AKAP10: variants seen among roughly 807,000 people sequenced by gnomAD.
The protein encoded by AKAP10 is A-kinase anchor protein 10, mitochondrial.
In AKAP10, 24 loss-of-function variants were observed where a neutral mutation model predicts 80.8. The ratio of observed to expected loss-of-function variants is 0.30; its 90% CI spans 0.22 to 0.42. The LOEUF (loss-of-function observed/expected upper bound fraction) is 0.42. AKAP10 is among the 10% of genes least tolerant of loss of function. The pLI, the probability that AKAP10 is intolerant of heterozygous loss-of-function variation, is 1.00. For missense variants in AKAP10, 661 were observed against 794.9 expected (o/e 0.83, Z 2.03); for synonymous variants, 291 against 277.7 (o/e 1.05, Z -0.48).
chr17:19,921,980 C>T (rs542036243), intron 11 of AKAP10, among the ~76,000 whole-genome samples: 3 of 151,910 alleles, frequency 2.0e-5, no homozygotes, highest in Admixed American at 6.6e-5. Flanking sequence ...CAGAATGGAG[C>T]GTAATATCAA....
At chr17:19,917,746 C>A (rs996390982) in intron 12 of AKAP10, among the ~76,000 whole-genome samples, 3 of 152,052 alleles carry the variant, frequency 2.0e-5, no homozygotes, top group Non-Finnish European at 4.4e-5. Flanking sequence ...CATAGCAAAA[C>A]CCCATCTCTA....
At chr17:19,923,115 T>C (rs1256368473) in intron 11 of AKAP10, among the ~76,000 whole-genome samples, 1 of 152,184 alleles carries the variant, frequency 6.6e-6, no homozygotes, top group African/African-American at 2.4e-5. Context: ...TCTTACTCTG[T>C]CGCGCAGGCT....
rs201501611 is a variant in AKAP10, at chr17:19,909,161, C to A, written c.1983+20G>T. ...GGAAAATAATACTTTTTAGTTTACA[C>A]AAAACGAAGTCATCCTTACCTTTGT... On this transcript the variant is annotated intron_variant, in intron 14 of 14. Transcript: ENST00000225737. 109 of 1,577,624 alleles carry A rather than the reference C, an allele frequency of 6.9e-5. No individual in the cohort carries two copies. The highest frequency in any genetic ancestry group is 8.9e-5 in the Non-Finnish European group (104 of 1,164,020).
chr17:19,961,021 TAAATAAAC>T (rs1443127510), intron 3 of AKAP10, among the ~76,000 whole-genome samples: 5 of 143,442 alleles, frequency 3.5e-5, no homozygotes, highest in Admixed American at 1.4e-4. Flanking sequence ...CGTCTACAAA[TAAATAAAC>T]AAACAAACAA....
At chr17:19,945,355 C>T (rs2152415126) in intron 5 of AKAP10, among the ~76,000 whole-genome samples, 1 of 152,240 alleles carries the variant, frequency 6.6e-6, no homozygotes, top group Non-Finnish European at 1.5e-5. Context: ...CACTAGCCAA[C>T]CAATTCTTCA....
chr17:19,918,702 T>C (rs1047478703), intron 12 of AKAP10, among the ~76,000 whole-genome samples: 2 of 152,224 alleles, frequency 1.3e-5, no homozygotes, highest in African/African-American at 4.8e-5. Context: ...AATAAAATAC[T>C]GTCAATTCAA....
At chr17:19,918,248 T>G (rs183399050) in intron 12 of AKAP10, among the ~76,000 whole-genome samples, 2,105 of 122,500 alleles carry the variant, frequency 0.017, 40 homozygotes, top group African/African-American at 0.054. Flanking sequence ...AAAAAGAAAA[T>G]AAGATAAATG....
intron 3 of AKAP10, among the ~76,000 whole-genome samples, 175 bp from the exon 4 acceptor site, chr17:19,958,746 G>A (rs997873858): frequency 2.0e-5 from 3 of 150,292 alleles, no homozygotes; most frequent in African/African-American, 7.3e-5. Context: ...TCTAAACAAA[G>A]TACAATCGTC....
At chr17:19,935,098 A>T (rs374508651) in intron 9 of AKAP10, among the ~76,000 whole-genome samples, 67 of 152,338 alleles carry the variant, frequency 4.4e-4, no homozygotes, top group African/African-American at 1.6e-3. Context: ...GTACTTATAC[A>T]AACCTAGATG....
At chr17:19,946,954 G>GC in intron 5 of AKAP10, among the ~76,000 whole-genome samples, 1 of 152,174 alleles carries the variant, frequency 6.6e-6, no homozygotes, top group Non-Finnish European at 1.5e-5. Context: ...CACCTGTCTG[G>GC]CCATCCAGTT....
intron 10 of AKAP10, among the ~76,000 whole-genome samples, chr17:19,930,942 C>T (rs2042925491): frequency 1.3e-5 from 2 of 152,096 alleles, no homozygotes; most frequent in Admixed American, 1.3e-4. Context: ...ATCTCCCGAC[C>T]TCGTGATCTG....
At chr17:19,935,051 C>T (rs567735232) in intron 9 of AKAP10, among the ~76,000 whole-genome samples, 3 of 152,172 alleles carry the variant, frequency 2.0e-5, no homozygotes, top group South Asian at 2.1e-4. Flanking sequence ...ACAGAATTTC[C>T]GTTAGGCTGC....
At chr17:19,931,753 G>A (rs2042935870) in intron 10 of AKAP10, 52 bp downstream of exon 10, 2 of 1,539,520 alleles carry the variant, frequency 1.3e-6, no homozygotes, top group Admixed American at 4.1e-5. Context: ...GGGATGTGAA[G>A]GAAAGGATGT....
At chr17:19,951,359 A>G (rs1372762087) in intron 4 of AKAP10, among the ~76,000 whole-genome samples, 1 of 151,854 alleles carries the variant, frequency 6.6e-6, no homozygotes, top group Non-Finnish European at 1.5e-5. Flanking sequence ...GGAAGTGAGG[A>G]GCCCCTCTGC....
intron 2 of AKAP10, among the ~76,000 whole-genome samples, chr17:19,965,856 CT>C (rs79671894): frequency 1.5e-3 from 214 of 143,636 alleles, no homozygotes; most frequent in Middle Eastern, 0.011. Context: ...CTCTATGTAC[CT>C]TTTTTTTTTT....
At chr17:19,977,372 AACCAGCGCGACAATAC>A (rs2043582997) in intron 1 of AKAP10, among the ~76,000 whole-genome samples, 1 of 152,340 alleles carries the variant, frequency 6.6e-6, no homozygotes, top group Admixed American at 6.5e-5. Context: ...ATCGCTTCTG[AACCAGCGCGACAATAC>A]TCCTCTGACC....
chr17:19,906,664 G>A (rs577797384), intron 14 of AKAP10, among the ~76,000 whole-genome samples: 10 of 152,292 alleles, frequency 6.6e-5, no homozygotes, highest in South Asian at 6.2e-4. Context: ...GGAAGACAAG[G>A]TCCCCGGTAT....
At chr17:19,928,803 G>A (rs2042902411) in intron 10 of AKAP10, among the ~76,000 whole-genome samples, 1 of 152,152 alleles carries the variant, frequency 6.6e-6, no homozygotes, top group Non-Finnish European at 1.5e-5. Flanking sequence ...CCAGGAGACA[G>A]AGGTTGCAGT....
intron 14 of AKAP10, among the ~76,000 whole-genome samples, chr17:19,908,085 G>C (rs2042650269): frequency 6.6e-6 from 1 of 151,740 alleles, no homozygotes; most frequent in Non-Finnish European, 1.5e-5. Flanking sequence ...GGCTGGTCTT[G>C]AACTCCTGAC....
Sources: gnomAD v4.1 joint callset for allele counts (sites outside exome capture counted in the v4.1 genomes callset) on GRCh38, gnomAD v4.1.1 for gene constraint, MANE v1.5 for transcripts, NCBI Gene and HGNC (gene_info 2026-07-23, HGNC 2026-07-21) for gene names.